FERRY3: variants seen among roughly 807,000 people sequenced by gnomAD.
FERRY3 encodes the protein protein C12orf4.
the FERRY3 span, chr12:4,518,129 TAAAGTGAC>T: frequency 6.2e-7 from 1 of 1,606,054 alleles, no homozygotes; most frequent in African/African-American, 1.3e-5. Flanking sequence ...AGATGTAGAA[TAAAGTGAC>T]AGAGCTGTTT....
At chr12:4,488,290 T>TCC in the FERRY3 span, 1 of 152,228 alleles carries the variant, frequency 6.6e-6, no homozygotes, top group Admixed American at 6.5e-5. The surrounding 1 kb of genome is among the most constrained non-coding windows in gnomAD (Gnocchi z 4.9). Flanking sequence ...GAAACTTTGC[T>TCC]CCTCCATTCC....
chr12:4,531,009 A>G, the FERRY3 span, among the ~76,000 whole-genome samples: 1 of 152,230 alleles, frequency 6.6e-6, no homozygotes, highest in African/African-American at 2.4e-5. Flanking sequence ...CTTACCCACG[A>G]AAATATTAAA....
chr12:4,495,610 A>AT, the FERRY3 span, among the ~76,000 whole-genome samples: 1 of 152,208 alleles, frequency 6.6e-6, no homozygotes, highest in Non-Finnish European at 1.5e-5. Context: ...TAGGATACTA[A>AT]TGGTAATAAT....
the FERRY3 span, among the ~76,000 whole-genome samples, chr12:4,528,461 T>C: frequency 6.6e-6 from 1 of 152,136 alleles, no homozygotes; most frequent in Non-Finnish European, 1.5e-5. Flanking sequence ...ATATACCTAG[T>C]GGCAACCACT....
chr12:4,506,035 C>T, the FERRY3 span, among the ~76,000 whole-genome samples: 1 of 151,772 alleles, frequency 6.6e-6, no homozygotes, highest in African/African-American at 2.4e-5. Context: ...TTTGAAGGCA[C>T]GCTATTTCTT....
the FERRY3 span, among the ~76,000 whole-genome samples, chr12:4,523,039 A>C: frequency 2.6e-5 from 4 of 152,226 alleles, no homozygotes; most frequent in African/African-American, 9.6e-5. Flanking sequence ...AGTTTGTCAA[A>C]ATTCATCAAA....
At chr12:4,500,369 C>A in the FERRY3 span, 1 of 1,585,196 alleles carries the variant, frequency 6.3e-7, no homozygotes, top group Non-Finnish European at 8.7e-7. Context: ...ATCATGATTA[C>A]CAAATGCCTA....
chr12:4,523,808 G>A, the FERRY3 span, among the ~76,000 whole-genome samples: 2 of 152,104 alleles, frequency 1.3e-5, no homozygotes, highest in African/African-American at 2.4e-5. Context: ...AGGACCCGTC[G>A]TGGGGTTGGG....
At chr12:4,512,330 A>C in the FERRY3 span, among the ~76,000 whole-genome samples, 30 of 151,776 alleles carry the variant, frequency 2.0e-4, no homozygotes, top group African/African-American at 7.3e-4. Context: ...AACTGGTACC[A>C]TTCCTTCTGA....
chr12:4,528,330 A>AT, the FERRY3 span, among the ~76,000 whole-genome samples: 11 of 152,166 alleles, frequency 7.2e-5, no homozygotes, highest in Non-Finnish European at 1.5e-5. Flanking sequence ...ACTTTTACGT[A>AT]TTTTTAAAAA....
chr12:4,490,894 AT>A, the FERRY3 span, among the ~76,000 whole-genome samples: 6 of 152,036 alleles, frequency 3.9e-5, no homozygotes, highest in Non-Finnish European at 4.4e-5. Flanking sequence ...ATGTGGCTCT[AT>A]TTTTTTTCTT....
chr12:4,494,893 T>C, the FERRY3 span, among the ~76,000 whole-genome samples: 12 of 152,372 alleles, frequency 7.9e-5, no homozygotes, highest in African/African-American at 2.9e-4. Context: ...TTTAAATCTA[T>C]AGATCAATTT....
At chr12:4,535,002 T>C in the FERRY3 span, among the ~76,000 whole-genome samples, 1 of 152,342 alleles carries the variant, frequency 6.6e-6, no homozygotes, top group East Asian at 1.9e-4. This position sits in a 1 kb window ranked among gnomAD's most constrained non-coding sequence, Gnocchi z 4.0. Context: ...GTTTTCCATG[T>C]AACTTTAAAG....
chr12:4,489,221 G>A, the FERRY3 span: 4 of 152,578 alleles, frequency 2.6e-5, no homozygotes, highest in Non-Finnish European at 4.4e-5. Context: ...AATCCAAAAC[G>A]TCTTCTGACT....
chr12:4,530,966 C>T, the FERRY3 span, among the ~76,000 whole-genome samples: 1 of 151,424 alleles, frequency 6.6e-6, no homozygotes, highest in Non-Finnish European at 1.5e-5. Context: ...GCAAAAGATA[C>T]CTGTAAAAAA....
the FERRY3 span, among the ~76,000 whole-genome samples, chr12:4,507,045 C>T: frequency 6.6e-6 from 1 of 152,142 alleles, no homozygotes; most frequent in East Asian, 1.9e-4. Context: ...ATGATATACA[C>T]GCACTGCCTT....
At chr12:4,508,736 T>G in the FERRY3 span, 1 of 150,740 alleles carries the variant, frequency 6.6e-6, no homozygotes, top group Non-Finnish European at 1.5e-5. Flanking sequence ...AGAGTGAGAC[T>G]CTGTCTCAAA....
the FERRY3 span, among the ~76,000 whole-genome samples, chr12:4,520,599 T>C: frequency 8.5e-5 from 13 of 152,082 alleles, no homozygotes; most frequent in Admixed American, 1.3e-4. Flanking sequence ...CGGTGGTACA[T>C]TGAAGGTACT....
the FERRY3 span, among the ~76,000 whole-genome samples, chr12:4,514,317 C>T: frequency 6.6e-6 from 1 of 150,594 alleles, no homozygotes; most frequent in Admixed American, 6.6e-5. Context: ...CTAGTTCAAC[C>T]ACTGTGGAAG....
Sources: allele counts gnomAD v4.1 joint callset (sites outside exome capture counted in the v4.1 genomes callset), GRCh38; gene constraint gnomAD v4.1.1; non-coding constraint Gnocchi (gnomAD v3.1); transcripts MANE v1.5; gene names NCBI Gene and HGNC (gene_info 2026-07-23, HGNC 2026-07-21).